The following SCARA5 variants were observed in gnomAD, a reference collection of about 807,000 sequenced individuals.
SCARA5 encodes the protein scavenger receptor class A, member 5 (putative).
Under a neutral mutation model 46.3 loss-of-function variants are expected in SCARA5, and 45 were observed. The observed-to-expected ratio is 0.97, with a 90% confidence interval of 0.76 to 1.24. SCARA5 has a LOEUF of 1.24. Among genes scored for constraint, SCARA5 ranks in the 50% most tolerant of loss-of-function variants. SCARA5 has a pLI of 0.00. For missense variants in SCARA5, 680 were observed against 689.0 expected (o/e 0.99, Z 0.15); for synonymous variants, 333 against 306.5 (o/e 1.09, Z -0.90).
In SCARA5 at chr8:27,870,161, G is replaced by T. The variant is rs1806611157; in HGVS notation, c.*1773C>A. The T allele has an allele frequency of 6.6e-6, 1 of 150,832 alleles. No individual in the cohort carries two copies. Among genetic ancestry groups the T allele is most frequent in the Admixed American group, 6.6e-5 (1 of 15,140 alleles). The allele number at this position is 150,832 out of a possible 1,614,324, so 9.3% of individuals were successfully genotyped here. A position where few individuals can be genotyped will look rare whatever the true frequency, so the allele number is the denominator to read the frequency against. ...CATGGAAGGGATAACTGGATTCTTT[G>T]CCAGAACCGGGTTGGGAATTTAGTT... On this transcript the variant is annotated 3_prime_UTR_variant, in exon 9 of 9. Coordinates refer to ENST00000354914, the MANE Select transcript of SCARA5 (RefSeq NM_173833.6).
At chr8:27,890,614 C>A (rs2129703271) in intron 7 of SCARA5, among the ~76,000 whole-genome samples, 1 of 138,362 alleles carries the variant, frequency 7.2e-6, no homozygotes, top group East Asian at 2.4e-4. Context: ...TGGTTCCAGT[C>A]TCAACCTCCA....
At chr8:27,935,169 G>A (rs1255935491) in intron 3 of SCARA5, among the ~76,000 whole-genome samples, 1 of 152,188 alleles carries the variant, frequency 6.6e-6, no homozygotes, top group East Asian at 1.9e-4. Context: ...TTCTGACCCG[G>A]GAGACAGTAC....
rs114358623 is a variant in SCARA5, at chr8:27,984,919, C to T, written c.112+2585G>A. 9.9e-3 allele frequency among the ~76,000 whole-genome samples: 1,499 copies of T among 152,088 alleles called. 34 individuals carry two copies. The highest frequency in any genetic ancestry group is 0.034 in the African/African-American group (1,422 of 41,478). On this transcript the variant is annotated intron_variant, in intron 2 of 8. Coordinates refer to ENST00000354914, the MANE Select transcript of SCARA5 (RefSeq NM_173833.6). ...TTCATCCATCCATTTATTCATTCAT[C>T]CATTCACCCATTCATCCATCCATTC...
At chr8:27,966,702 C>A (rs1808375233) in intron 2 of SCARA5, among the ~76,000 whole-genome samples, 160 bp from the exon 3 acceptor site, 1 of 152,194 alleles carries the variant, frequency 6.6e-6, no homozygotes, top group South Asian at 2.1e-4. Context: ...TGATGGGGAG[C>A]TTTCCAGGAC....
At chr8:27,959,580 G>C (rs1808262840) in intron 3 of SCARA5, among the ~76,000 whole-genome samples, 1 of 152,168 alleles carries the variant, frequency 6.6e-6, no homozygotes, top group Admixed American at 6.5e-5. Flanking sequence ...GAAGACCGGG[G>C]CCCAAAGACA....
At chr8:27,899,471 G>GAGA (rs1807115524) in intron 7 of SCARA5, among the ~76,000 whole-genome samples, 2 of 152,250 alleles carry the variant, frequency 1.3e-5, no homozygotes, top group Non-Finnish European at 2.9e-5. Flanking sequence ...GTGCAGACAA[G>GAGA]AGAAGGAGCA....
At chr8:27,963,212 A>G (rs1808317331) in intron 3 of SCARA5, among the ~76,000 whole-genome samples, 1 of 152,198 alleles carries the variant, frequency 6.6e-6, no homozygotes, top group South Asian at 2.1e-4. Flanking sequence ...CATAGGTAAG[A>G]CTGAGCTCCC....
At chr8:27,904,537 C>T in intron 7 of SCARA5, 3 of 588,578 alleles carry the variant, frequency 5.1e-6, no homozygotes, top group Non-Finnish European at 9.1e-6. Context: ...GGGGAAGCCT[C>T]CAGATCCATG....
At chr8:27,989,207 C>G (rs1391394878) in intron 1 of SCARA5, among the ~76,000 whole-genome samples, 1 of 128,352 alleles carries the variant, frequency 7.8e-6, no homozygotes, top group Non-Finnish European at 1.5e-5. Flanking sequence ...GCAGTCTTGG[C>G]TCACTGCAAC....
Position 27,907,253 on chromosome 8 carries a change from A to C in SCARA5, c.998-7T>G. On this transcript the variant is annotated splice_polypyrimidine_tract_variant and splice_region_variant and intron_variant, in intron 5 of 8. Coordinates refer to ENST00000354914, the MANE Select transcript of SCARA5 (RefSeq NM_173833.6). ...CCTCTCTCCCCGGGCAGACCTGGGGAGAAAACAGACAAATGGCAGAGCCTC... is the reference window on the plus strand; with the variant it reads ...CCTCTCTCCCCGGGCAGACCTGGGGCGAAAACAGACAAATGGCAGAGCCTC... 1 of 1,604,818 alleles carries C rather than the reference A, an allele frequency of 6.2e-7. No homozygotes were observed. The highest frequency in any genetic ancestry group is 1.7e-5 in the Admixed American group (1 of 59,518).
intron 2 of SCARA5, among the ~76,000 whole-genome samples, chr8:27,968,779 A>G (rs1161444775): frequency 1.3e-5 from 2 of 152,174 alleles, no homozygotes; most frequent in East Asian, 3.8e-4. Context: ...TGTCATCTTC[A>G]TATGTGTTGC....
At chr8:27,938,351 A>G (rs1585501371) in intron 3 of SCARA5, among the ~76,000 whole-genome samples, 1 of 14,612 alleles carries the variant, frequency 6.8e-5, no homozygotes, top group East Asian at 0.042. Flanking sequence ...GATTGTAACT[A>G]TAATAAAAAA....
chr8:27,879,762 G>C lies in SCARA5; in HGVS notation c.1158C>G (p.Gly386=). The C allele has an allele frequency of 6.2e-7, 1 of 1,612,392 alleles. No homozygotes were observed. ...EKGDRAGDAS[G]VEAPMMIRLV... is the part of the protein sequence containing the mutation. ...GGCGGATCATCATCGGGGCCTCCACGCCACCTGCCGGAGCAGCCAACTGTC... is the reference window on the plus strand; with the variant it reads ...GGCGGATCATCATCGGGGCCTCCACCCCACCTGCCGGAGCAGCCAACTGTC... The change falls in exon 8 of 9, where the codon GGC becomes GGG. Residue 386 remains glycine (G), a synonymous_variant. Coordinates refer to ENST00000354914, the MANE Select transcript of SCARA5 (RefSeq NM_173833.6).
intron 2 of SCARA5, among the ~76,000 whole-genome samples, chr8:27,966,872 T>A (rs1185011539): frequency 2.6e-5 from 4 of 152,198 alleles, no homozygotes; most frequent in African/African-American, 9.6e-5. Flanking sequence ...CTTTAAAAAG[T>A]GTCATTGTCC....
intron 2 of SCARA5, among the ~76,000 whole-genome samples, chr8:27,982,982 T>A (rs1243741999): frequency 1.3e-5 from 2 of 150,754 alleles, no homozygotes; most frequent in Non-Finnish European, 3.0e-5. Flanking sequence ...TAGAGGAGGG[T>A]CCCTTCCTCT....
At chr8:27,939,952 G>C (rs1193233985) in intron 3 of SCARA5, among the ~76,000 whole-genome samples, 3 of 152,172 alleles carry the variant, frequency 2.0e-5, no homozygotes, top group East Asian at 1.9e-4. Flanking sequence ...GGTTGCGTTA[G>C]AGGCCCCTCC....
At chr8:27,899,984 A>G (rs1807124504) in intron 7 of SCARA5, among the ~76,000 whole-genome samples, 1 of 152,078 alleles carries the variant, frequency 6.6e-6, no homozygotes, top group African/African-American at 2.4e-5. Context: ...CTAAAAATAC[A>G]CAAATTAGCT....
intron 2 of SCARA5, among the ~76,000 whole-genome samples, chr8:27,972,134 T>C (rs559964348): frequency 2.0e-5 from 3 of 152,056 alleles, no homozygotes; most frequent in South Asian, 2.1e-4. Context: ...CTGGCCAACA[T>C]GGTGAAACCC....
intron 2 of SCARA5, among the ~76,000 whole-genome samples, chr8:27,980,028 AC>A (rs1235877772): frequency 6.6e-6 from 1 of 152,140 alleles, no homozygotes; most frequent in African/African-American, 2.4e-5. Flanking sequence ...CATTTAGGTA[AC>A]CTTGCACTTG....
Sources: gnomAD v4.1 joint callset for allele counts (sites outside exome capture counted in the v4.1 genomes callset) on GRCh38, gnomAD v4.1.1 for gene constraint, MANE v1.5 for transcripts, NCBI Gene and HGNC (gene_info 2026-07-23, HGNC 2026-07-21) for gene names.